Variants in ZFPM2 observed in about 807,000 individuals in gnomAD.
ZFPM2 encodes zinc finger protein, FOG family member 2, also known as zinc finger protein ZFPM2.
ZFPM2 carries 20 observed loss-of-function variants against 98.6 expected under a neutral mutation model. The ratio of observed to expected loss-of-function variants is 0.20; its 90% confidence interval spans 0.14 to 0.29. The LOEUF (loss-of-function observed/expected upper bound fraction) is 0.29. Among genes scored for constraint, ZFPM2 ranks in the 10% least tolerant of loss-of-function variants. The pLI is 1.00. For synonymous variants in ZFPM2, 518 were observed against 502.7 expected, an observed-to-expected ratio of 1.03 and a Z score of -0.41; for missense variants, 1,310 against 1,388.6, an observed-to-expected ratio of 0.94 and a Z score of 0.90.
chr8:105,331,582 T>G (rs1256700018), intron 1 of ZFPM2, among the ~76,000 whole-genome samples: 1 of 151,760 alleles, frequency 6.6e-6, no homozygotes, highest in African/African-American at 2.4e-5. Context: ...GTTCCTACTC[T>G]CCTAAGAAAG....
intron 4 of ZFPM2, among the ~76,000 whole-genome samples, chr8:105,579,490 A>G (rs1638999714): frequency 6.6e-6 from 1 of 152,134 alleles, no homozygotes; most frequent in South Asian, 2.1e-4. Context: ...AGGGGACTGC[A>G]CTTTCAGGAT....
intron 4 of ZFPM2, among the ~76,000 whole-genome samples, chr8:105,594,667 A>G (rs1815929474): frequency 1.3e-5 from 2 of 152,090 alleles, no homozygotes; most frequent in Admixed American, 1.3e-4. Context: ...TAATTAATGT[A>G]CAAATTATGG....
At chr8:105,438,661 G>A (rs960752828) in intron 2 of ZFPM2, among the ~76,000 whole-genome samples, 4 of 152,124 alleles carry the variant, frequency 2.6e-5, no homozygotes, top group Admixed American at 2.6e-4. Context: ...TGTTGTTATG[G>A]AATGAATAAG....
At chr8:105,469,064 G>A (rs1323511980) in intron 3 of ZFPM2, among the ~76,000 whole-genome samples, 1 of 151,978 alleles carries the variant, frequency 6.6e-6, no homozygotes, top group Non-Finnish European at 1.5e-5. Context: ...AGCCCAGAGA[G>A]CTCTTCAGAG....
At chr8:105,329,259 A>T (rs939274406) in intron 1 of ZFPM2, among the ~76,000 whole-genome samples, 8 of 151,832 alleles carry the variant, frequency 5.3e-5, no homozygotes, top group African/African-American at 1.9e-4. Context: ...TGAAGGACAA[A>T]AAGGTCAGTT....
intron 7 of ZFPM2, among the ~76,000 whole-genome samples, chr8:105,800,167 C>G (rs535338192): frequency 1.3e-5 from 2 of 152,180 alleles, no homozygotes; most frequent in Admixed American, 6.5e-5. Context: ...CCTTTTATGA[C>G]TACAGGACTA....
chr8:105,660,142 A>T (rs185181573), intron 5 of ZFPM2, among the ~76,000 whole-genome samples: 61 of 148,752 alleles, frequency 4.1e-4, no homozygotes, highest in Middle Eastern at 3.5e-3. Flanking sequence ...AGTCAAGTAC[A>T]TTTTTTTTTT....
At chr8:105,513,797 C>G (rs1413235799) in intron 3 of ZFPM2, among the ~76,000 whole-genome samples, 5 of 152,090 alleles carry the variant, frequency 3.3e-5, no homozygotes, top group Non-Finnish European at 7.4e-5. Context: ...TTATATGGTG[C>G]TAACATTCTA....
At chr8:105,476,815 T>G in intron 3 of ZFPM2, among the ~76,000 whole-genome samples, 1 of 147,664 alleles carries the variant, frequency 6.8e-6, no homozygotes, top group African/African-American at 2.5e-5. Flanking sequence ...GAGAGTGGGG[T>G]GGGTGATTGG....
chr8:105,442,536 A>T (rs1452324809), intron 2 of ZFPM2, among the ~76,000 whole-genome samples: 1 of 152,156 alleles, frequency 6.6e-6, no homozygotes, highest in Non-Finnish European at 1.5e-5. Context: ...AGGGAATTTC[A>T]TTGGTGTTCA....
At chr8:105,399,242 A>G (rs180998549) in intron 1 of ZFPM2, among the ~76,000 whole-genome samples, 1 of 152,332 alleles carries the variant, frequency 6.6e-6, no homozygotes, top group Admixed American at 6.5e-5. Context: ...GATGTAATTT[A>G]TATCCTGTGA....
At chr8:105,500,286 GATACA>G (rs1464488046) in intron 3 of ZFPM2, among the ~76,000 whole-genome samples, 12 of 151,954 alleles carry the variant, frequency 7.9e-5, no homozygotes, top group South Asian at 2.1e-4. Flanking sequence ...AGAAATTATC[GATACA>G]ATACTTTTTT....
At chr8:105,328,956 A>G (rs549032133) in intron 1 of ZFPM2, among the ~76,000 whole-genome samples, 1 of 151,980 alleles carries the variant, frequency 6.6e-6, no homozygotes, top group Non-Finnish European at 1.5e-5. Flanking sequence ...GAAATATTCA[A>G]GTGTTCATTT....
intron 5 of ZFPM2, among the ~76,000 whole-genome samples, chr8:105,711,536 C>T (rs750577037): frequency 1.1e-4 from 16 of 151,994 alleles, no homozygotes; most frequent in Non-Finnish European, 2.4e-4. Flanking sequence ...CTTTGTAATT[C>T]CTATATATGA....
At chr8:105,485,183 T>C (rs1586406733) in intron 3 of ZFPM2, among the ~76,000 whole-genome samples, 5 of 152,274 alleles carry the variant, frequency 3.3e-5, no homozygotes, top group South Asian at 4.2e-4. Flanking sequence ...ATTGACCACA[T>C]GTAGCCTCAA....
intron 3 of ZFPM2, among the ~76,000 whole-genome samples, chr8:105,544,886 A>G (rs545014920): frequency 6.6e-6 from 1 of 152,236 alleles, no homozygotes; most frequent in South Asian, 2.1e-4. Flanking sequence ...TTTTTTATAT[A>G]TCATGGATTG....
chr8:105,383,464 T>C (rs1563632706), intron 1 of ZFPM2, among the ~76,000 whole-genome samples: 1 of 152,174 alleles, frequency 6.6e-6, no homozygotes, highest in Non-Finnish European at 1.5e-5. Context: ...ATTATTTTGT[T>C]CTTCTGTTTT....
intron 2 of ZFPM2, among the ~76,000 whole-genome samples, chr8:105,420,718 G>A (rs1007189910): frequency 5.3e-5 from 8 of 152,076 alleles, no homozygotes; most frequent in Non-Finnish European, 1.2e-4. Flanking sequence ...TCTGGAGATG[G>A]ATAATTTTTA....
intron 5 of ZFPM2, among the ~76,000 whole-genome samples, chr8:105,648,870 T>G (rs1817109844): frequency 6.6e-6 from 1 of 152,334 alleles, no homozygotes; most frequent in East Asian, 1.9e-4. Flanking sequence ...GGCTCTTTTT[T>G]GGTTCCATAT....
Sources: allele counts gnomAD v4.1 joint callset (sites outside exome capture counted in the v4.1 genomes callset), GRCh38; gene constraint gnomAD v4.1.1; transcripts MANE v1.5; gene names NCBI Gene and HGNC (gene_info 2026-07-23, HGNC 2026-07-21).